Variants in CNKSR2 observed in about 807,000 individuals in gnomAD.
CNKSR2 encodes CNK homolog protein 2.
In CNKSR2, 14 loss-of-function variants were observed where a neutral mutation model predicts 84.4. That is an observed-to-expected ratio of 0.17 (90% CI 0.11 to 0.26). The LOEUF is 0.26. Among genes scored for constraint, CNKSR2 ranks in the 10% least tolerant of loss-of-function variants. The pLI is 1.00. For synonymous variants in CNKSR2, 275 were observed against 277.9 expected, an observed-to-expected ratio of 0.99 and a Z score of 0.10; for missense variants, 485 against 771.2, an observed-to-expected ratio of 0.63 and a Z score of 4.40.
At chrX:21,492,963 T>C in intron 6 of CNKSR2, 1 of 112,019 alleles carries the variant, frequency 8.9e-6, no homozygotes, top group Non-Finnish European at 1.9e-5. Flanking sequence ...GGTGGGAGAA[T>C]ACCAAGATTT....
At chrX:21,553,534 CA>C (rs1172014567) in intron 11 of CNKSR2, among the ~76,000 whole-genome samples, 4,954 of 88,343 alleles carry the variant, frequency 0.056, 307 homozygotes, top group African/African-American at 0.18. Context: ...GTTTCCATTA[CA>C]AAAAAAAAAA....
At position 21,613,593 on chromosome X, in the gene CNKSR2, T is replaced by C. The variant is rs185887260; in HGVS notation, c.2692+3976T>C. Among the ~76,000 whole-genome samples, 17 of 112,577 alleles carry C rather than the reference T, an allele frequency of 1.5e-4. No individual in the cohort carries two copies. The East Asian group carries it at 4.5e-3, about 30-fold the overall frequency. ...TACACATTAGATTATCAGGCTGAAA[T>C]ATTATTGACACTTTCAAAATGAGAT... On this transcript the variant is annotated intron_variant, in intron 20 of 21. Coordinates refer to ENST00000379510, the MANE Select transcript of CNKSR2 (RefSeq NM_014927.5).
chrX:21,458,165 C>A (rs2091017737), intron 4 of CNKSR2, among the ~76,000 whole-genome samples: 1 of 112,208 alleles, frequency 8.9e-6, no homozygotes, highest in African/African-American at 3.2e-5. Flanking sequence ...GCATCTAACA[C>A]CACAGTAACC....
chrX:21,590,863 A>G lies in CNKSR2; in HGVS notation c.1658-159A>G, dbSNP rs752598063. 71 of 477,275 alleles carry G rather than the reference A, an allele frequency of 1.5e-4. No individual in the cohort carries two copies. The African/African-American group carries it at 1.6e-3, about 11-fold the overall frequency. The allele number at this position is 477,275 out of a possible 1,213,427, so 39.3% of individuals were successfully genotyped here. On this transcript the variant is annotated intron_variant, in intron 14 of 21. Transcript: ENST00000379510. ...TTTCTGATTAAGATGTGTGTCACTTATGTGAGGGAAAATATTAAAGATTTT... is the reference window on the plus strand; with the variant it reads ...TTTCTGATTAAGATGTGTGTCACTTGTGTGAGGGAAAATATTAAAGATTTT...
chrX:21,497,263 G>A (rs928356063), intron 6 of CNKSR2, among the ~76,000 whole-genome samples: 2 of 110,976 alleles, frequency 1.8e-5, no homozygotes, highest in African/African-American at 3.3e-5. Flanking sequence ...AATAAGAAAG[G>A]TGGAAAATAC....
At chrX:21,468,097 A>T (rs756330990) in intron 4 of CNKSR2, among the ~76,000 whole-genome samples, 23 of 110,809 alleles carry the variant, frequency 2.1e-4, no homozygotes, top group Non-Finnish European at 4.0e-4. Flanking sequence ...CAGCATGAAT[A>T]CTTTGAAATT....
intron 1 of CNKSR2, among the ~76,000 whole-genome samples, chrX:21,378,529 C>T (rs1306202470): frequency 9.0e-6 from 1 of 111,348 alleles, no homozygotes; most frequent in Non-Finnish European, 1.9e-5. Context: ...TTATTTGAGT[C>T]CCCAGACCAT....
chrX:21,617,626 C>CT (rs2092583215), intron 20 of CNKSR2, among the ~76,000 whole-genome samples: 1 of 111,353 alleles, frequency 9.0e-6, no homozygotes, highest in Non-Finnish European at 1.9e-5. Flanking sequence ...TTATATATCT[C>CT]TATCTTGTAA....
At chrX:21,457,442 G>A (rs776605318) in intron 4 of CNKSR2, among the ~76,000 whole-genome samples, 2 of 111,247 alleles carry the variant, frequency 1.8e-5, no homozygotes, top group African/African-American at 3.3e-5. Flanking sequence ...CATATAACTT[G>A]GCATAATCTA....
chrX:21,375,325 G>C, intron 1 of CNKSR2, among the ~76,000 whole-genome samples: 1 of 112,665 alleles, frequency 8.9e-6, no homozygotes, highest in Non-Finnish European at 1.9e-5. Context: ...GACTCCCCCA[G>C]GACCTGCTCC....
At chrX:21,508,957 G>A (rs895537229) in intron 8 of CNKSR2, among the ~76,000 whole-genome samples, 3 of 112,062 alleles carry the variant, frequency 2.7e-5, no homozygotes, top group Non-Finnish European at 5.6e-5. Flanking sequence ...CTTCTTGAAT[G>A]TGGGGCAAAA....
chrX:21,410,034 G>C (rs1419270777), intron 1 of CNKSR2, among the ~76,000 whole-genome samples: 1 of 81,506 alleles, frequency 1.2e-5, no homozygotes, highest in African/African-American at 8.3e-5. Context: ...AATTGTGTCT[G>C]TGTGTGTGTG....
intron 13 of CNKSR2, among the ~76,000 whole-genome samples, chrX:21,589,106 G>A (rs2092405186): frequency 8.9e-6 from 1 of 112,146 alleles, no homozygotes; most frequent in Non-Finnish European, 1.9e-5. Flanking sequence ...ATGCTGCAAA[G>A]TTTGATATGT....
At chrX:21,614,024 G>C (rs1329431402) in intron 20 of CNKSR2, among the ~76,000 whole-genome samples, 2 of 110,320 alleles carry the variant, frequency 1.8e-5, no homozygotes, top group Non-Finnish European at 3.8e-5. Flanking sequence ...AAATAAATAA[G>C]TAAAAAATCT....
intron 8 of CNKSR2, chrX:21,504,860 A>G: frequency 3.4e-6 from 1 of 295,072 alleles, no homozygotes; most frequent in Non-Finnish European, 5.9e-6. Flanking sequence ...GGAAGAAGAA[A>G]AAATCATGAA....
chrX:21,390,115 T>C (rs1040417398), intron 1 of CNKSR2, among the ~76,000 whole-genome samples: 1 of 112,172 alleles, frequency 8.9e-6, no homozygotes, highest in African/African-American at 3.2e-5. Context: ...CCAGTGTTCC[T>C]TCTAATTGTA....
chrX:21,476,337 A>G (rs1337513531), intron 5 of CNKSR2, among the ~76,000 whole-genome samples: 1 of 111,808 alleles, frequency 8.9e-6, no homozygotes, highest in Non-Finnish European at 1.9e-5. Flanking sequence ...CCATGGAGAA[A>G]GCATGTATCT....
chrX:21,452,237 T>G (rs1348753470), intron 4 of CNKSR2, among the ~76,000 whole-genome samples: 1 of 110,964 alleles, frequency 9.0e-6, no homozygotes, highest in Non-Finnish European at 1.9e-5. Context: ...ATTACAGGGG[T>G]GCGCCACCAT....
At chrX:21,477,408 CT>C (rs1424961105) in intron 5 of CNKSR2, among the ~76,000 whole-genome samples, 1 of 109,605 alleles carries the variant, frequency 9.1e-6, no homozygotes, top group East Asian at 2.9e-4. Context: ...TCTTTTTTCT[CT>C]TTTTTTTTCT....
Sources: gnomAD v4.1 joint callset for allele counts (sites outside exome capture counted in the v4.1 genomes callset) on GRCh38, gnomAD v4.1.1 for gene constraint, MANE v1.5 for transcripts, NCBI Gene and HGNC (gene_info 2026-07-23, HGNC 2026-07-21) for gene names.